RASA1: variants seen among roughly 807,000 people sequenced by gnomAD.
The protein encoded by RASA1 is ras GTPase-activating protein 1.
In RASA1, 25 loss-of-function variants were observed where a neutral mutation model predicts 132.2. The observed-to-expected ratio is 0.19, with a 90% CI of 0.14 to 0.26. The LOEUF is 0.26. Among genes scored for constraint, RASA1 ranks in the 10% least tolerant of loss-of-function variants. RASA1 has a pLI of 1.00. For missense variants in RASA1, 964 were observed against 1,299.2 expected (o/e 0.74, Z 3.97); for synonymous variants, 477 against 449.9 (o/e 1.06, Z -0.76).
rs185370953 is a variant in RASA1, at chr5:87,282,058, C to A, written c.539+13068C>A. Among the ~76,000 whole-genome samples, 238 of 152,070 alleles carry A rather than the reference C, an allele frequency of 1.6e-3. 1 individual carries two copies. The highest frequency in any genetic ancestry group is 6.8e-3 in the Middle Eastern group (2 of 292). On this transcript the variant is annotated intron_variant, in intron 1 of 24. Coordinates refer to ENST00000274376, the MANE Select transcript of RASA1 (RefSeq NM_002890.3). ...TTAATTTAATTTTGATGAATTCCAGCTTACTTGTTTTTTTCTTTTGTTGCC... is the reference window on the plus strand; with the variant it reads ...TTAATTTAATTTTGATGAATTCCAGATTACTTGTTTTTTTCTTTTGTTGCC...
chr5:87,376,578 T>G lies in RASA1; in HGVS notation c.2184+13T>G, dbSNP rs183446754. On this transcript the variant is annotated intron_variant, in intron 16 of 24. Coordinates refer to ENST00000274376, the MANE Select transcript of RASA1 (RefSeq NM_002890.3). ...TGAATTTAAAGAGGTATTAAATTAT[T>G]TATCAGTCTTGTTTTTGTTGGAATT... is the stretch of plus-strand genomic sequence containing the variant. 6.2e-7 allele frequency: 1 copy of G among 1,608,464 alleles called. No homozygotes were observed. The highest frequency in any genetic ancestry group is 1.7e-5 in the Admixed American group (1 of 60,004).
chr5:87,339,384 T>C (rs1227407478), intron 5 of RASA1, among the ~76,000 whole-genome samples: 1 of 152,118 alleles, frequency 6.6e-6, no homozygotes, highest in African/African-American at 2.4e-5. Flanking sequence ...AAAAGAGATA[T>C]TTACTCCATA....
chr5:87,378,758 C>G (rs189398739), intron 18 of RASA1, among the ~76,000 whole-genome samples: 1 of 152,022 alleles, frequency 6.6e-6, no homozygotes, highest in Non-Finnish European at 1.5e-5. Flanking sequence ...CAAGTTGCAC[C>G]AGAAATTCAT....
intron 1 of RASA1, among the ~76,000 whole-genome samples, chr5:87,285,605 T>A: frequency 7.1e-6 from 1 of 141,438 alleles, no homozygotes. Context: ...TCAGTCAGTC[T>A]CTTTTTCTTT....
intron 15 of RASA1, among the ~76,000 whole-genome samples, chr5:87,375,639 A>G (rs1402640774): frequency 6.6e-6 from 1 of 152,200 alleles, no homozygotes; most frequent in African/African-American, 2.4e-5. Flanking sequence ...TATGTCACTT[A>G]TTCACTTCTG....
In RASA1 at chr5:87,390,844, A is replaced by G; in HGVS notation, c.3105A>G (p.Gln1035=). ...KLLAITELLQ[Q]KQNQYTKTND... Reference sequence around the variant, plus strand: ...TGGCTATAACAGAACTGCTTCAACAAAAACAAAACCAGTATACAAAAACCA... The same window carrying G: ...TGGCTATAACAGAACTGCTTCAACAGAAACAAAACCAGTATACAAAAACCA... Residue 1035 remains glutamine (Q), a synonymous_variant, in exon 25 of 25, where the codon CAA becomes CAG. Coordinates refer to ENST00000274376, the MANE Select transcript of RASA1 (RefSeq NM_002890.3). The G allele has an allele frequency of 1.9e-6, 3 of 1,613,788 alleles. No homozygotes were observed. The South Asian group carries it at 3.3e-5, about 18-fold the overall frequency.
Position 87,268,942 on chromosome 5 carries a change from A to G in RASA1, c.491A>G (p.Tyr164Cys), listed in dbSNP as rs768330280. 8 of 1,614,206 alleles carry G rather than the reference A, an allele frequency of 5.0e-6. No homozygotes were observed. In the South Asian group the frequency reaches 8.8e-5, roughly 18 times the overall value. ...DEGDSLDGPE[Y>C]EEEEVAIPLT... Reference sequence around the variant, plus strand: ...GGTGACTCTCTGGATGGACCAGAATACGAGGAGGAAGAGGTGGCCATACCG... The same window carrying G: ...GGTGACTCTCTGGATGGACCAGAATGCGAGGAGGAAGAGGTGGCCATACCG... The change falls in exon 1 of 25, where the codon TAC becomes TGC. Residue 164 changes from tyrosine to cysteine, a missense_variant. Tyr to Cys is a radical substitution (Grantham distance 194, BLOSUM62 -2). Coordinates refer to ENST00000274376, the MANE Select transcript of RASA1 (RefSeq NM_002890.3).
chr5:87,296,697 C>T (rs1333073381), intron 1 of RASA1, among the ~76,000 whole-genome samples: 1 of 151,768 alleles, frequency 6.6e-6, no homozygotes, highest in African/African-American at 2.4e-5. Context: ...GTGTTTTTTG[C>T]CTCTGGTTTC....
chr5:87,372,333 A>G, intron 13 of RASA1, 138 bp downstream of exon 13: 3 of 739,438 alleles, frequency 4.1e-6, no homozygotes, highest in East Asian at 5.4e-5. Flanking sequence ...GTAGCAGGAA[A>G]ACGTTACTTC....
chr5:87,298,583 T>A (rs1755222912), intron 1 of RASA1, among the ~76,000 whole-genome samples: 1 of 152,032 alleles, frequency 6.6e-6, no homozygotes. Context: ...GGATAGCAAA[T>A]TAAAGGGAGT....
intron 22 of RASA1, among the ~76,000 whole-genome samples, chr5:87,386,258 A>G (rs938378016): frequency 6.6e-6 from 1 of 151,998 alleles, no homozygotes; most frequent in Admixed American, 6.6e-5. Context: ...AGAGTGTGTT[A>G]ATCTTAACAT....
At chr5:87,382,908 T>G (rs953622498) in intron 20 of RASA1, among the ~76,000 whole-genome samples, 1 of 151,106 alleles carries the variant, frequency 6.6e-6, no homozygotes, top group Non-Finnish European at 1.5e-5. Flanking sequence ...GTAGCGAGAC[T>G]CTGCTTTCTA....
chr5:87,291,089 GTTGCTCTACATTCTTGTCAGCATTTGATA>G (rs1459119817), intron 1 of RASA1, among the ~76,000 whole-genome samples: 3 of 152,142 alleles, frequency 2.0e-5, no homozygotes, highest in Non-Finnish European at 4.4e-5. Context: ...GAGAGTTCCT[GTTGCTCTACATTCTTGTCAGCATTTGATA>G]TTGCCAGATT....
In RASA1 at chr5:87,284,227, TGTA is replaced by T. The variant is rs1346279709; in HGVS notation, c.539+15240_539+15242del. ...ATCAGTGATGAAGTGAGGATGCAAT[TGTA>T]GTGTTTTAATTAAACCATTGTTAGC... is the stretch of plus-strand genomic sequence containing the variant. On this transcript the variant is annotated intron_variant, in intron 1 of 24. Transcript: ENST00000274376. Among the ~76,000 whole-genome samples, 3 of 152,194 alleles carry T rather than the reference TGTA, an allele frequency of 2.0e-5. No individual in the cohort carries two copies. The East Asian group carries it at 5.8e-4, about 29-fold the overall frequency.
chr5:87,372,278 G>A (rs2112480359), intron 13 of RASA1, 83 bp downstream of exon 13: 1 of 1,294,572 alleles, frequency 7.7e-7, no homozygotes, highest in East Asian at 2.5e-5. Context: ...TATCTGAACT[G>A]TTTTGGACAT....
chr5:87,333,849 TTC>T (rs1163535452), intron 4 of RASA1, among the ~76,000 whole-genome samples: 1 of 152,194 alleles, frequency 6.6e-6, no homozygotes, highest in East Asian at 1.9e-4. Context: ...TTACCATTAA[TTC>T]TCTCATTTAA....
chr5:87,385,568 C>G (rs1035937064), intron 22 of RASA1, among the ~76,000 whole-genome samples, 179 bp downstream of exon 22: 70 of 151,990 alleles, frequency 4.6e-4, no homozygotes, highest in Non-Finnish European at 1.0e-3. Context: ...AATAGTGGAA[C>G]TTTAAAAAAC....
At chr5:87,370,354 T>G (rs1441525045) in intron 12 of RASA1, among the ~76,000 whole-genome samples, 1 of 152,238 alleles carries the variant, frequency 6.6e-6, no homozygotes, top group African/African-American at 2.4e-5. Context: ...CAAGTCGAGA[T>G]ATAATGTCTA....
At chr5:87,327,701 A>T (rs1011876146) in intron 1 of RASA1, among the ~76,000 whole-genome samples, 3 of 152,196 alleles carry the variant, frequency 2.0e-5, no homozygotes, top group African/African-American at 4.8e-5. Context: ...GCAGTGGCTC[A>T]CACCTGTAAT....
Sources: gnomAD v4.1 joint callset for allele counts (sites outside exome capture counted in the v4.1 genomes callset) on GRCh38, gnomAD v4.1.1 for gene constraint, MANE v1.5 for transcripts, NCBI Gene and HGNC (gene_info 2026-07-23, HGNC 2026-07-21) for gene names.